The following BZW1 variants were observed in gnomAD, a reference collection of about 807,000 sequenced individuals.
The protein encoded by BZW1 is basic leucine zipper and W2 domains 1.
A neutral mutation model predicts 54.1 loss-of-function variants in BZW1; 3 were observed. The observed-to-expected ratio is 0.06, with a 90% confidence interval of 0.03 to 0.14. The LOEUF (loss-of-function observed/expected upper bound fraction) is 0.14, where lower values mean the gene tolerates loss of function less well. BZW1 is among the 10% of genes least tolerant of loss of function. BZW1 has a pLI of 1.00. For synonymous variants in BZW1, 152 were observed against 162.7 expected, an observed-to-expected ratio of 0.93 and a Z score of 0.50; for missense variants, 206 against 491.7, an observed-to-expected ratio of 0.42 and a Z score of 5.50.
At chr2:200,815,605 A>C in intron 3 of BZW1, 62 bp from the exon 4 acceptor site, 1 of 1,588,428 alleles carries the variant, frequency 6.3e-7, no homozygotes, top group Admixed American at 1.8e-5. Context: ...ACTATTTGGC[A>C]AACTTGTTAA....
At chr2:200,821,140 G>C in intron 10 of BZW1, 43 bp from the exon 11 acceptor site, 1 of 1,605,572 alleles carries the variant, frequency 6.2e-7, no homozygotes, top group Non-Finnish European at 8.5e-7. Context: ...ACGCTGAGTA[G>C]AGTATATTAA....
In BZW1 at chr2:200,818,888, T is replaced by G. The variant is rs779726236; in HGVS notation, c.953T>G (p.Ile318Ser). Residue 318 changes from isoleucine (I) to serine (S), a missense_variant, in exon 9 of 12, where the codon ATC (isoleucine) becomes AGC (serine). Ile to Ser is a moderately radical substitution (Grantham distance 142). This residue lies in a region of BZW1 where 60 missense variants were observed against 151.8 expected (regional missense o/e 0.40). Coordinates refer to ENST00000409600, the MANE Select transcript of BZW1 (RefSeq NM_001207067.2). ...GAGGAGCTTGTAGCAGAGCAAGCCA[T>G]CAAGCACTTGAAGGTATTAGAACTA... is the stretch of plus-strand genomic sequence containing the variant. ...KKEELVAEQA[I>S]KHLKQYSPLL... 1.3e-6 allele frequency: 2 copies of G among 1,588,974 alleles called. No individual in the cohort carries two copies. Among genetic ancestry groups the G allele is most frequent in the Admixed American group, 3.8e-5 (2 of 52,378 alleles).
Position 200,820,030 on chromosome 2 carries a change from C to T in BZW1, c.1015C>T (p.Leu339=), listed in dbSNP as rs753498559. Residue 339 remains leucine (L), a synonymous_variant, in exon 10 of 12, where the codon CTG becomes TTG. Coordinates refer to ENST00000409600, the MANE Select transcript of BZW1 (RefSeq NM_001207067.2). The part of the protein sequence containing the change: ...AAFTTQGQSE[L]TLLLKIQEYC... ...CTTTACTACTCAAGGTCAGTCTGAGCTGACTCTGTTACTGAAGATTCAGGA... is the reference window on the plus strand; with the variant it reads ...CTTTACTACTCAAGGTCAGTCTGAGTTGACTCTGTTACTGAAGATTCAGGA... The T allele has an allele frequency of 6.5e-6, 10 of 1,548,398 alleles. No individual in the cohort carries two copies. The East Asian group carries it at 2.4e-4, about 38-fold the overall frequency.
chr2:200,818,412 C>A lies in BZW1; in HGVS notation c.819+19C>A. The A allele has an allele frequency of 6.3e-7, 1 of 1,593,834 alleles. No individual in the cohort carries two copies. The highest frequency in any genetic ancestry group is 1.1e-5 in the South Asian group (1 of 87,098). On this transcript the variant is annotated intron_variant, in intron 8 of 11. Coordinates refer to ENST00000409600, the MANE Select transcript of BZW1 (RefSeq NM_001207067.2). ...TAAGGATGTAAGTTTTTGTTTAAAC[C>A]GTCTTTTTATGGCTAAGCTTCTGGC... is the stretch of plus-strand genomic sequence containing the variant.
At position 200,817,970 on chromosome 2, in the gene BZW1, A is replaced by G. The variant is rs371155481; in HGVS notation, c.539-4A>G. 70 of 1,542,642 alleles carry G rather than the reference A, an allele frequency of 4.5e-5. No individual in the cohort carries two copies. Among genetic ancestry groups the G allele is most frequent in the Non-Finnish European group, 5.6e-5 (64 of 1,140,716 alleles). On this transcript the variant is annotated splice_polypyrimidine_tract_variant and splice_region_variant and intron_variant, in intron 6 of 11. Transcript: ENST00000409600. ...TCTGTTAATTAAGCTATTTTCTTTT[A>G]CAGGAGTTTCAGCAGCTTTTGCTGT...
In BZW1 at chr2:200,824,672, C is replaced by CTTTTTTT. The variant is rs563435041; in HGVS notation, c.*2506_*2512dup. ...TTATCATACCCCCAGCCTTTTTAGG[C>CTTTTTTT]TTTTTTTTTTTTTTTTTTGAGACGG... On this transcript the variant is annotated 3_prime_UTR_variant, in exon 12 of 12. Transcript: ENST00000409600. The CTTTTTTT allele has an allele frequency of 1.6e-5, 2 of 127,104 alleles. No individual in the cohort carries two copies. Among genetic ancestry groups the CTTTTTTT allele is most frequent in the African/African-American group, 6.0e-5 (2 of 33,434 alleles). 7.9% of individuals were successfully genotyped at this position (127,104 alleles called of 1,614,324 possible). A position where few individuals can be genotyped will look rare whatever the true frequency, so the allele number is the denominator to read the frequency against.
chr2:200,814,527 C>T (rs2038217467), intron 2 of BZW1, among the ~76,000 whole-genome samples: 1 of 152,186 alleles, frequency 6.6e-6, no homozygotes, highest in Non-Finnish European at 1.5e-5. Flanking sequence ...GAAAGCAACT[C>T]AGTAAAGGTC....
In BZW1 at chr2:200,824,740, T is replaced by G. The variant is rs13016917; in HGVS notation, c.*2562T>G. The G allele has an allele frequency of 6.7e-6, 1 of 149,168 alleles. No homozygotes were observed. Among genetic ancestry groups the G allele is most frequent in the Admixed American group, 6.6e-5 (1 of 15,040 alleles). 9.2% of individuals were successfully genotyped at this position (149,168 alleles called of 1,614,324 possible). On this transcript the variant is annotated 3_prime_UTR_variant, in exon 12 of 12. Coordinates refer to ENST00000409600, the MANE Select transcript of BZW1 (RefSeq NM_001207067.2). ...AGGCTGGAGTGCAGTGGCGCGATCT[T>G]GGCTCACTGCAAGTTCCGCCTCCCG...
intron 2 of BZW1, among the ~76,000 whole-genome samples, chr2:200,813,565 T>G (rs1197568722): frequency 6.6e-6 from 1 of 152,218 alleles, no homozygotes; most frequent in East Asian, 1.9e-4. Flanking sequence ...GGCTCTGTTT[T>G]CACTAGCAGG....
In BZW1 at chr2:200,818,413, G is replaced by A. The variant is rs761556169; in HGVS notation, c.819+20G>A. ...AAGGATGTAAGTTTTTGTTTAAACC[G>A]TCTTTTTATGGCTAAGCTTCTGGCA... On this transcript the variant is annotated intron_variant, in intron 8 of 11. Coordinates refer to ENST00000409600, the MANE Select transcript of BZW1 (RefSeq NM_001207067.2). 18 of 1,593,124 alleles carry A rather than the reference G, an allele frequency of 1.1e-5. No individual in the cohort carries two copies. Among genetic ancestry groups the A allele is most frequent in the African/African-American group, 5.5e-5 (4 of 73,228 alleles).
rs2038674978 is a variant in BZW1, at chr2:200,825,817, G to A, written c.*3639G>A. ...ATTGGTTGGCTTTAAATGTAATGTA[G>A]ATGCCAAAGTTTTAGTGTACAGTGT... On this transcript the variant is annotated 3_prime_UTR_variant, in exon 12 of 12. Transcript: ENST00000409600. 1 of 152,210 alleles carries A rather than the reference G, an allele frequency of 6.6e-6. No individual in the cohort carries two copies. Among genetic ancestry groups the A allele is most frequent in the South Asian group, 2.1e-4 (1 of 4,826 alleles). 9.4% of individuals were successfully genotyped at this position (152,210 alleles called of 1,614,324 possible).
Position 200,822,280 on chromosome 2 carries a change from C to T in BZW1, c.*102C>T. On this transcript the variant is annotated 3_prime_UTR_variant, in exon 12 of 12. Coordinates refer to ENST00000409600, the MANE Select transcript of BZW1 (RefSeq NM_001207067.2). The stretch of plus-strand genomic sequence containing the variant: ...CATCTTCCTACCTCCCTGTATCAAG[C>T]ATGATATAAGGGCTTTCATGGCAAA... 1 of 1,053,066 alleles carries T rather than the reference C, an allele frequency of 9.5e-7. No individual in the cohort carries two copies. Among genetic ancestry groups the T allele is most frequent in the Non-Finnish European group, 1.4e-6 (1 of 712,228 alleles). The allele number at this position is 1,053,066 out of a possible 1,614,324, so 65.2% of individuals were successfully genotyped here.
chr2:200,816,249 C>G (rs1050766613), intron 4 of BZW1, 76 bp from the exon 5 acceptor site: 4 of 1,051,810 alleles, frequency 3.8e-6, no homozygotes, highest in South Asian at 3.6e-5. Flanking sequence ...CATAAACTTA[C>G]ATCGAGTGAA....
Position 200,827,094 on chromosome 2 carries a change from G to A in BZW1, c.*4916G>A, listed in dbSNP as rs927982136. The A allele has an allele frequency of 2.6e-5, 4 of 152,076 alleles. No individual in the cohort carries two copies. Among genetic ancestry groups the A allele is most frequent in the African/African-American group, 9.7e-5 (4 of 41,414 alleles). The allele number at this position is 152,076 out of a possible 1,614,324, so 9.4% of individuals were successfully genotyped here. ...ATTTGAAGAACAAAATATTTTCTCT[G>A]TAAATACACCTCATTTCCATTCTAG... On this transcript the variant is annotated 3_prime_UTR_variant, in exon 12 of 12. Coordinates refer to ENST00000409600, the MANE Select transcript of BZW1 (RefSeq NM_001207067.2).
upstream of BZW1, chr2:200,811,800 A>T (rs1029013356): frequency 6.3e-6 from 1 of 157,892 alleles, no homozygotes; most frequent in East Asian, 1.9e-4. Context: ...TCCGCGCGCA[A>T]TAGAAAAGGC....
At chr2:200,821,556 T>TA (rs1369566761) in intron 11 of BZW1, among the ~76,000 whole-genome samples, 1 of 151,074 alleles carries the variant, frequency 6.6e-6, no homozygotes, top group Non-Finnish European at 1.5e-5. Flanking sequence ...TGGATTTCTT[T>TA]TCTTTTTTTT....
intron 5 of BZW1, 86 bp from the exon 6 acceptor site, chr2:200,817,020 A>G (rs999532798): frequency 1.4e-6 from 2 of 1,474,258 alleles, no homozygotes; most frequent in African/African-American, 1.4e-5. Flanking sequence ...CACGTATTGA[A>G]CAGGTAGCCA....
intron 8 of BZW1, 143 bp downstream of exon 8, chr2:200,818,536 A>G: frequency 8.0e-6 from 9 of 1,129,878 alleles, no homozygotes; most frequent in Non-Finnish European, 1.1e-5. Flanking sequence ...ATTCTTTTGC[A>G]TATGCTTCTT....
intron 1 of BZW1, 87 bp from the exon 2 acceptor site, chr2:200,813,121 C>T (rs1335735780): frequency 3.7e-5 from 41 of 1,111,792 alleles, no homozygotes; most frequent in Non-Finnish European, 4.7e-5. Flanking sequence ...CCATTTGATT[C>T]ATATGTGACT....
Sources: gnomAD v4.1 joint callset for allele counts (sites outside exome capture counted in the v4.1 genomes callset) on GRCh38, gnomAD v4.1.1 for gene constraint, gnomAD v4.1.1 regional missense constraint, MANE v1.5 for transcripts, NCBI Gene and HGNC (gene_info 2026-07-23, HGNC 2026-07-21) for gene names.